PLCB1: variants seen among roughly 807,000 people sequenced by gnomAD.
The protein encoded by PLCB1 is 1-phosphatidylinositol 4,5-bisphosphate phosphodiesterase beta-1.
Under a neutral mutation model 161.8 loss-of-function variants are expected in PLCB1, and 46 were observed. The observed-to-expected ratio is 0.28, with a 90% CI of 0.22 to 0.36. The LOEUF is 0.36. Among genes scored for constraint, PLCB1 ranks in the 10% least tolerant of loss-of-function variants. The pLI, the probability that PLCB1 is intolerant of heterozygous loss-of-function variation, is 1.00. For synonymous variants in PLCB1, 517 were observed against 503.7 expected, an observed-to-expected ratio of 1.03 and a Z score of -0.35; for missense variants, 1,016 against 1,472.5, an observed-to-expected ratio of 0.69 and a Z score of 5.07.
chr20:8,335,913 A>G (rs1985557882), intron 2 of PLCB1, among the ~76,000 whole-genome samples: 1 of 152,180 alleles, frequency 6.6e-6, no homozygotes. Context: ...ACTGCCTACA[A>G]TAACGCTGGT....
At chr20:8,534,724 A>T (rs1432893801) in intron 3 of PLCB1, among the ~76,000 whole-genome samples, 1 of 152,138 alleles carries the variant, frequency 6.6e-6, no homozygotes, top group Non-Finnish European at 1.5e-5. Context: ...AGCAACTGAG[A>T]TATGCGTTTC....
At chr20:8,773,426 A>G (rs1161777686) in intron 26 of PLCB1, among the ~76,000 whole-genome samples, 1 of 152,258 alleles carries the variant, frequency 6.6e-6, no homozygotes, top group Non-Finnish European at 1.5e-5. Flanking sequence ...GACTCACACC[A>G]TAAGTTAATG....
At chr20:8,698,406 T>C (rs1373830545) in intron 11 of PLCB1, among the ~76,000 whole-genome samples, 2 of 152,220 alleles carry the variant, frequency 1.3e-5, no homozygotes, top group East Asian at 3.8e-4. Context: ...CTTTTTTCAC[T>C]CCACATTGTT....
chr20:8,640,316 C>T (rs1988908512), intron 4 of PLCB1, among the ~76,000 whole-genome samples: 1 of 152,210 alleles, frequency 6.6e-6, no homozygotes, highest in Admixed American at 6.5e-5. Flanking sequence ...GATTGCTCCC[C>T]TTTTTCTGTT....
chr20:8,587,563 GTTTTTC>G (rs1987028288), intron 3 of PLCB1, among the ~76,000 whole-genome samples: 1 of 152,064 alleles, frequency 6.6e-6, no homozygotes, highest in African/African-American at 2.4e-5. Context: ...TGAGTCCTTT[GTTTTTC>G]TTTTTCTATT....
intron 31 of PLCB1, among the ~76,000 whole-genome samples, chr20:8,815,649 T>G (rs117369063): frequency 3.9e-4 from 60 of 152,326 alleles, no homozygotes; most frequent in East Asian, 2.5e-3. Flanking sequence ...CTCCTTGCTT[T>G]GTACTCCCGA....
At chr20:8,356,281 A>T (rs1986359185) in intron 2 of PLCB1, among the ~76,000 whole-genome samples, 1 of 152,216 alleles carries the variant, frequency 6.6e-6, no homozygotes, top group African/African-American at 2.4e-5. Context: ...AGTGCGTCTC[A>T]GTGGTTCTCA....
intron 2 of PLCB1, among the ~76,000 whole-genome samples, chr20:8,169,220 T>C (rs777743400): frequency 9.9e-5 from 15 of 152,192 alleles, no homozygotes; most frequent in Non-Finnish European, 1.9e-4. Flanking sequence ...TTGGGCTGTA[T>C]GGAAGTTGTT....
intron 3 of PLCB1, among the ~76,000 whole-genome samples, chr20:8,446,538 A>C (rs1371456218): frequency 6.6e-6 from 1 of 152,184 alleles, no homozygotes. Context: ...TATTCAACAT[A>C]GTGTTGGAAG....
intron 4 of PLCB1, among the ~76,000 whole-genome samples, chr20:8,632,228 C>T: frequency 6.6e-6 from 1 of 151,678 alleles, no homozygotes; most frequent in Non-Finnish European, 1.5e-5. Context: ...GGAGAGAGCA[C>T]TAGAGAAGAT....
intron 3 of PLCB1, among the ~76,000 whole-genome samples, chr20:8,407,696 G>A (rs1049145299): frequency 8.5e-5 from 13 of 152,080 alleles, no homozygotes; most frequent in African/African-American, 3.1e-4. Flanking sequence ...AGATTTGGGT[G>A]GGGACACAGC....
At chr20:8,457,714 G>GCACACA (rs145581916) in intron 3 of PLCB1, among the ~76,000 whole-genome samples, 7,365 of 145,694 alleles carry the variant, frequency 0.051, 207 homozygotes, top group East Asian at 0.099. Context: ...ATGTGTGCGC[G>GCACACA]CACACACACA....
rs1336467767 is a variant in PLCB1, at chr20:8,881,614, T to C, written c.3424-8T>C. 6.2e-7 allele frequency: 1 copy of C among 1,608,176 alleles called. No homozygotes were observed. The highest frequency in any genetic ancestry group is 1.3e-5 in the African/African-American group (1 of 74,888). Reference sequence around the variant, plus strand: ...CTTCAAGTCATCTCCCCTCTTGATGTCTCTCAGCTGCAGGTGGAGCTGGAG... The same window carrying C: ...CTTCAAGTCATCTCCCCTCTTGATGCCTCTCAGCTGCAGGTGGAGCTGGAG... On this transcript the variant is annotated splice_region_variant and splice_polypyrimidine_tract_variant and intron_variant, in intron 31 of 31. Transcript: ENST00000338037.
chr20:8,684,256 A>ATTTATTTATTTG (rs1555783109), intron 9 of PLCB1, among the ~76,000 whole-genome samples: 7 of 150,096 alleles, frequency 4.7e-5, no homozygotes, highest in African/African-American at 1.7e-4. Flanking sequence ...TTATTTATTT[A>ATTTATTTATTTG]TTTATTTATT....
chr20:8,790,480 C>T lies in PLCB1; in HGVS notation c.3423+219C>T, dbSNP rs143870078. Among the ~76,000 whole-genome samples, 100 of 152,276 alleles carry T rather than the reference C, an allele frequency of 6.6e-4. 1 individual carries two copies. The East Asian group carries it at 0.019, about 28-fold the overall frequency. On this transcript the variant is annotated intron_variant, in intron 31 of 31. Coordinates refer to ENST00000338037, the MANE Select transcript of PLCB1 (RefSeq NM_015192.4). ...TTTTAAAAACTGCAAATATGCAGAA[C>T]CCAGCCCCAGAGATTTGGCTTTAAC... is the stretch of plus-strand genomic sequence containing the variant.
chr20:8,154,555 C>T (rs1305026044), intron 2 of PLCB1, among the ~76,000 whole-genome samples: 2 of 152,112 alleles, frequency 1.3e-5, no homozygotes, highest in African/African-American at 4.8e-5. Flanking sequence ...CATTTTATAA[C>T]CCTACCTGTC....
In PLCB1 at chr20:8,737,196, G is replaced by C. The variant is rs1291572482; in HGVS notation, c.2208+4G>C. 1.2e-6 allele frequency: 2 copies of C among 1,611,640 alleles called. No homozygotes were observed. The highest frequency in any genetic ancestry group is 1.7e-6 in the Non-Finnish European group (2 of 1,178,310). On this transcript the variant is annotated splice_donor_region_variant and intron_variant, in intron 20 of 31. Transcript: ENST00000338037. ...AGAACCTATTGTGTTCAAAAAGGTT[G>C]GTCACATGTTCTTGATATGAGTTAT...
At chr20:8,628,941 A>AT (rs912470265) in intron 4 of PLCB1, among the ~76,000 whole-genome samples, 18 of 151,916 alleles carry the variant, frequency 1.2e-4, no homozygotes, top group Middle Eastern at 6.9e-3. Flanking sequence ...TCAAAAAAAA[A>AT]AAATAAATAA....
At chr20:8,472,146 T>C (rs577017541) in intron 3 of PLCB1, among the ~76,000 whole-genome samples, 3 of 152,210 alleles carry the variant, frequency 2.0e-5, no homozygotes, top group African/African-American at 7.2e-5. Context: ...TAGCTCTTAT[T>C]TTTGGTGAAG....
Sources: allele counts gnomAD v4.1 joint callset (sites outside exome capture counted in the v4.1 genomes callset), GRCh38; gene constraint gnomAD v4.1.1; transcripts MANE v1.5; gene names NCBI Gene and HGNC (gene_info 2026-07-23, HGNC 2026-07-21).